CAB39: variants seen among roughly 807,000 people sequenced by gnomAD.
CAB39 encodes calcium binding protein 39, also known as calcium-binding protein 39.
A neutral mutation model predicts 40.0 loss-of-function variants in CAB39; 8 were observed. That is an observed-to-expected ratio of 0.20 (90% confidence interval 0.12 to 0.36). CAB39 has a LOEUF of 0.36. Ranked by LOEUF, CAB39 falls within the 10% of genes least tolerant of loss-of-function variation. The pLI, the probability that CAB39 is intolerant of heterozygous loss-of-function variation, is 1.00. For synonymous variants in CAB39, 156 were observed against 141.6 expected, an observed-to-expected ratio of 1.10 and a Z score of -0.72; for missense variants, 270 against 401.1, an observed-to-expected ratio of 0.67 and a Z score of 2.79.
At chr2:230,802,585 G>A (rs999705928) in intron 5 of CAB39, among the ~76,000 whole-genome samples, 5 of 152,090 alleles carry the variant, frequency 3.3e-5, no homozygotes, top group Non-Finnish European at 5.9e-5. Context: ...GATCACCACC[G>A]ATCCCACAGA....
intron 1 of CAB39, among the ~76,000 whole-genome samples, chr2:230,723,347 A>G (rs1468766473): frequency 6.6e-6 from 1 of 151,260 alleles, no homozygotes; most frequent in Non-Finnish European, 1.5e-5. Flanking sequence ...TAAACACTTC[A>G]TTTTAATTTC....
At chr2:230,760,670 C>CT (rs1187223393) in intron 2 of CAB39, among the ~76,000 whole-genome samples, 2 of 152,228 alleles carry the variant, frequency 1.3e-5, no homozygotes, top group Non-Finnish European at 2.9e-5. Flanking sequence ...GACACCCCTC[C>CT]TGGTTTTCTT....
In CAB39 at chr2:230,819,490, A is replaced by G. The variant is rs1009146982; in HGVS notation, c.*786A>G. ...GTTTCTTTTGTATATAATTCTTAGA[A>G]TGCTCATTTCTTTTAAATGGTTTAA... is the stretch of plus-strand genomic sequence containing the variant. On this transcript the variant is annotated 3_prime_UTR_variant, in exon 9 of 9. Transcript: ENST00000258418. 3.9e-5 allele frequency: 6 copies of G among 152,666 alleles called. No individual in the cohort carries two copies. Among genetic ancestry groups the G allele is most frequent in the African/African-American group, 1.4e-4 (6 of 41,466 alleles). The allele number at this position is 152,666 out of a possible 1,614,324, so 9.5% of individuals were successfully genotyped here. A position where few individuals can be genotyped will look rare whatever the true frequency, so the allele number is the denominator to read the frequency against.
chr2:230,775,488 C>A (rs1695570344), intron 2 of CAB39, among the ~76,000 whole-genome samples: 1 of 152,098 alleles, frequency 6.6e-6, no homozygotes, highest in Admixed American at 6.5e-5. Flanking sequence ...CCCACTGTGG[C>A]CTCCCAAAGT....
At chr2:230,772,051 C>A (rs1412317297) in intron 2 of CAB39, among the ~76,000 whole-genome samples, 1 of 152,020 alleles carries the variant, frequency 6.6e-6, no homozygotes, top group East Asian at 1.9e-4. Flanking sequence ...AAGCACAATT[C>A]ATTTTAAAAA....
intron 7 of CAB39, among the ~76,000 whole-genome samples, chr2:230,815,083 A>C (rs1696377289): frequency 6.6e-6 from 1 of 152,228 alleles, no homozygotes; most frequent in Non-Finnish European, 1.5e-5. Flanking sequence ...GAAAAGACTA[A>C]AGGACACTAG....
At chr2:230,809,941 C>A (rs2124980023) in intron 5 of CAB39, among the ~76,000 whole-genome samples, 1 of 152,286 alleles carries the variant, frequency 6.6e-6, no homozygotes, top group South Asian at 2.1e-4. Context: ...TTTTAAATAA[C>A]CAGCCCACTT....
At chr2:230,775,656 A>G (rs570134057) in intron 2 of CAB39, among the ~76,000 whole-genome samples, 10 of 152,196 alleles carry the variant, frequency 6.6e-5, no homozygotes, top group Admixed American at 1.3e-4. Flanking sequence ...TTATTTCTAA[A>G]AAGATGACTT....
At chr2:230,740,177 G>C (rs1694853154) in intron 1 of CAB39, among the ~76,000 whole-genome samples, 1 of 152,178 alleles carries the variant, frequency 6.6e-6, no homozygotes, top group Non-Finnish European at 1.5e-5. Context: ...TAGGTGGCCT[G>C]GTGGCCTCGT....
intron 1 of CAB39, among the ~76,000 whole-genome samples, chr2:230,753,318 A>G (rs763845686): frequency 2.0e-5 from 3 of 152,214 alleles, no homozygotes; most frequent in African/African-American, 7.2e-5. Context: ...GTATACACCA[A>G]TAATTACCAT....
chr2:230,801,500 G>A (rs529436117), intron 5 of CAB39, among the ~76,000 whole-genome samples: 7 of 152,262 alleles, frequency 4.6e-5, no homozygotes, highest in Non-Finnish European at 7.4e-5. Flanking sequence ...CCCAGAAAAC[G>A]TGCTCTGCAC....
rs726379 is a variant in CAB39, at chr2:230,820,483, A to G, written c.*1779A>G. On this transcript the variant is annotated 3_prime_UTR_variant, in exon 9 of 9. Coordinates refer to ENST00000258418, the MANE Select transcript of CAB39 (RefSeq NM_016289.4). ...TAAGGCAATCTAGTCTCCTTGAAAA[A>G]AAAATCTCTTGGATGTTTAGGAAGG... is the stretch of plus-strand genomic sequence containing the variant. 0.24 allele frequency: 36,074 copies of G among 152,080 alleles called. 4,476 individuals are homozygous for G. Among genetic ancestry groups the G allele is most frequent in the African/African-American group, 0.29 (12,050 of 41,462 alleles). 9.4% of individuals were successfully genotyped at this position (152,080 alleles called of 1,614,324 possible).
intron 2 of CAB39, among the ~76,000 whole-genome samples, chr2:230,768,330 G>A (rs1452333714): frequency 1.3e-5 from 2 of 152,230 alleles, no homozygotes; most frequent in African/African-American, 4.8e-5. Context: ...CACAGTAGTA[G>A]TAAGATAAAT....
chr2:230,767,243 A>G (rs1378969649), intron 2 of CAB39, among the ~76,000 whole-genome samples: 5 of 152,024 alleles, frequency 3.3e-5, no homozygotes, highest in East Asian at 3.9e-4. Flanking sequence ...GCATAACTCT[A>G]TCCTTTCCGT....
chr2:230,782,941 T>C (rs183381276), intron 2 of CAB39, among the ~76,000 whole-genome samples: 101 of 151,564 alleles, frequency 6.7e-4, no homozygotes, highest in Non-Finnish European at 1.2e-3. Flanking sequence ...GCCTCCTGAG[T>C]AGCTGGCACT....
At chr2:230,788,267 T>C (rs1381213071) in intron 2 of CAB39, among the ~76,000 whole-genome samples, 5 of 151,094 alleles carry the variant, frequency 3.3e-5, no homozygotes, top group Non-Finnish European at 7.4e-5. Flanking sequence ...TTTTAAGTGG[T>C]TGCTTTAGGG....
chr2:230,759,544 A>G (rs1375413145), intron 1 of CAB39, among the ~76,000 whole-genome samples: 2 of 152,180 alleles, frequency 1.3e-5, no homozygotes, highest in African/African-American at 4.8e-5. Flanking sequence ...CAACCTTGCT[A>G]AACTTCACCA....
intron 2 of CAB39, among the ~76,000 whole-genome samples, chr2:230,790,058 T>C (rs1354354127): frequency 2.0e-5 from 3 of 152,092 alleles, no homozygotes; most frequent in Non-Finnish European, 4.4e-5. Context: ...ACCCCATCTC[T>C]ACTAAAAATA....
At chr2:230,723,230 A>G (rs1345562360) in intron 1 of CAB39, among the ~76,000 whole-genome samples, 1 of 152,056 alleles carries the variant, frequency 6.6e-6, no homozygotes, top group East Asian at 1.9e-4. Flanking sequence ...TTATATTGCC[A>G]TTGGGGGTTT....
Sources: allele counts gnomAD v4.1 joint callset (sites outside exome capture counted in the v4.1 genomes callset), GRCh38; gene constraint gnomAD v4.1.1; transcripts MANE v1.5; gene names NCBI Gene and HGNC (gene_info 2026-07-23, HGNC 2026-07-21).